AGBL4: variants seen among roughly 807,000 people sequenced by gnomAD.
The protein encoded by AGBL4 is cytosolic carboxypeptidase 6.
Under a neutral mutation model 66.4 loss-of-function variants are expected in AGBL4, and 58 were observed. The observed-to-expected ratio is 0.87, with a 90% confidence interval of 0.71 to 1.09. The LOEUF (loss-of-function observed/expected upper bound fraction) is 1.09, where lower values mean the gene tolerates loss of function less well. AGBL4 is among the 50% of genes least tolerant of loss of function. The pLI, the probability that AGBL4 is intolerant of heterozygous loss-of-function variation, is 0.00. For synonymous variants in AGBL4, 234 were observed against 222.9 expected, an observed-to-expected ratio of 1.05 and a Z score of -0.44; for missense variants, 579 against 631.0, an observed-to-expected ratio of 0.92 and a Z score of 0.88.
intron 1 of AGBL4, among the ~76,000 whole-genome samples, chr1:49,993,978 C>A (rs1660163149): frequency 1.3e-5 from 2 of 152,212 alleles, no homozygotes; most frequent in South Asian, 4.1e-4. Context: ...CACCATAAAA[C>A]TTTCCCGATC....
At chr1:49,618,441 A>G (rs1160368943) in intron 3 of AGBL4, among the ~76,000 whole-genome samples, 1 of 132,356 alleles carries the variant, frequency 7.6e-6, no homozygotes, top group Non-Finnish European at 1.8e-5. Flanking sequence ...CCCTAAATAG[A>G]CCAATAACAA....
chr1:49,126,811 C>A (rs975554457), intron 4 of AGBL4, among the ~76,000 whole-genome samples: 1 of 152,088 alleles, frequency 6.6e-6, no homozygotes, highest in African/African-American at 2.4e-5. Flanking sequence ...ACATAGCTCC[C>A]TAGCAATGGG....
At chr1:49,932,388 T>C (rs1252805182) in intron 1 of AGBL4, among the ~76,000 whole-genome samples, 2 of 152,116 alleles carry the variant, frequency 1.3e-5, no homozygotes, top group African/African-American at 4.8e-5. Flanking sequence ...TAAATTAATA[T>C]GAAAACTATA....
chr1:48,560,549 A>G (rs1348530774), intron 11 of AGBL4, among the ~76,000 whole-genome samples: 1 of 152,206 alleles, frequency 6.6e-6, no homozygotes, highest in Non-Finnish European at 1.5e-5. Context: ...ATCATGCCAT[A>G]TACTATGTAC....
intron 3 of AGBL4, among the ~76,000 whole-genome samples, chr1:49,501,452 AAC>A (rs973270691): frequency 2.0e-5 from 3 of 152,094 alleles, no homozygotes; most frequent in African/African-American, 7.2e-5. Flanking sequence ...TCCTGCCAAT[AAC>A]AGTCTTTTGT....
At chr1:49,981,724 G>A (rs1659072168) in intron 1 of AGBL4, among the ~76,000 whole-genome samples, 1 of 152,066 alleles carries the variant, frequency 6.6e-6, no homozygotes, top group South Asian at 2.1e-4. Flanking sequence ...ACAGAGTTGT[G>A]CTGGGCAGAT....
At chr1:49,224,860 A>G (rs1649785909) in intron 4 of AGBL4, among the ~76,000 whole-genome samples, 2 of 152,164 alleles carry the variant, frequency 1.3e-5, no homozygotes. Flanking sequence ...ATAAGTTGAC[A>G]GTAAATTGTA....
intron 2 of AGBL4, among the ~76,000 whole-genome samples, chr1:49,791,252 G>C (rs1024828884): frequency 1.3e-5 from 2 of 152,046 alleles, no homozygotes; most frequent in Non-Finnish European, 2.9e-5. Flanking sequence ...AATATAAATA[G>C]AGGTATAGCT....
intron 3 of AGBL4, among the ~76,000 whole-genome samples, chr1:49,353,501 G>C (rs1390353287): frequency 2.0e-5 from 3 of 152,076 alleles, no homozygotes; most frequent in Non-Finnish European, 4.4e-5. Flanking sequence ...GTGCAGAAAA[G>C]ACTGCACCCT....
intron 9 of AGBL4, among the ~76,000 whole-genome samples, chr1:48,607,955 A>T (rs1645177553): frequency 6.6e-6 from 1 of 152,208 alleles, no homozygotes; most frequent in Admixed American, 6.5e-5. Flanking sequence ...ATTGAAACTC[A>T]GAGTGGTTGA....
At chr1:48,713,096 A>G (rs1265661185) in intron 6 of AGBL4, among the ~76,000 whole-genome samples, 2 of 152,216 alleles carry the variant, frequency 1.3e-5, no homozygotes, top group East Asian at 3.9e-4. Flanking sequence ...GTGCTGGCAC[A>G]AGACTCATGG....
intron 3 of AGBL4, among the ~76,000 whole-genome samples, chr1:49,332,269 A>T (rs1645350125): frequency 6.6e-6 from 1 of 152,254 alleles, no homozygotes; most frequent in South Asian, 2.1e-4. Flanking sequence ...CTTGGAAAAT[A>T]CAACTTACCA....
chr1:49,154,762 A>C (rs1404682816), intron 4 of AGBL4, among the ~76,000 whole-genome samples: 1 of 152,178 alleles, frequency 6.6e-6, no homozygotes, highest in East Asian at 1.9e-4. Context: ...TAAGAAGAAT[A>C]AGCAATATAT....
intron 1 of AGBL4, among the ~76,000 whole-genome samples, chr1:49,918,447 A>T (rs987955018): frequency 2.0e-5 from 3 of 152,230 alleles, no homozygotes; most frequent in African/African-American, 7.2e-5. Flanking sequence ...ATCAGAGAAT[A>T]CTATAAACAC....
At chr1:48,543,175 C>T (rs897459002) in intron 11 of AGBL4, among the ~76,000 whole-genome samples, 6 of 152,020 alleles carry the variant, frequency 3.9e-5, no homozygotes, top group Non-Finnish European at 8.8e-5. Context: ...GGTTACCTTC[C>T]ACGTACTGAG....
intron 5 of AGBL4, among the ~76,000 whole-genome samples, chr1:48,928,291 G>T (rs1226470601): frequency 6.6e-6 from 1 of 152,076 alleles, no homozygotes; most frequent in East Asian, 1.9e-4. Context: ...CACTTACAGG[G>T]GTTTGAACTC....
At chr1:50,012,656 G>T (rs1661638123) in intron 1 of AGBL4, among the ~76,000 whole-genome samples, 1 of 152,124 alleles carries the variant, frequency 6.6e-6, no homozygotes, top group Non-Finnish European at 1.5e-5. Context: ...ATATGTATAT[G>T]TTCAGAGAAT....
intron 8 of AGBL4, among the ~76,000 whole-genome samples, chr1:48,649,013 C>T (rs918149178): frequency 6.6e-6 from 1 of 152,146 alleles, no homozygotes; most frequent in Non-Finnish European, 1.5e-5. Flanking sequence ...TTCATTTGTT[C>T]ATTCTGGAAA....
chr1:48,955,989 G>A (rs1315608999), intron 5 of AGBL4, among the ~76,000 whole-genome samples: 1 of 152,240 alleles, frequency 6.6e-6, no homozygotes, highest in African/African-American at 2.4e-5. Flanking sequence ...TGTCTGCCCT[G>A]ACCCTGGCTC....
Sources: gnomAD v4.1 joint callset for allele counts (sites outside exome capture counted in the v4.1 genomes callset) on GRCh38, gnomAD v4.1.1 for gene constraint, MANE v1.5 for transcripts, NCBI Gene and HGNC (gene_info 2026-07-23, HGNC 2026-07-21) for gene names.